Variants in MTSS1 observed in about 807,000 individuals in gnomAD.
The protein encoded by MTSS1 is protein MTSS 1.
MTSS1 carries 18 observed loss-of-function variants against 79.0 expected under a neutral mutation model. That is an observed-to-expected ratio of 0.23 (90% CI 0.16 to 0.34). The LOEUF (loss-of-function observed/expected upper bound fraction) is 0.34, where lower values mean the gene tolerates loss of function less well. Ranked by LOEUF, MTSS1 falls within the 10% of genes least tolerant of loss-of-function variation. MTSS1 has a pLI of 1.00. For synonymous variants in MTSS1, 341 were observed against 368.6 expected (o/e 0.93, Z 0.86); for missense variants, 815 against 986.2 (o/e 0.83, Z 2.33).
chr8:124,622,439 G>A (rs549674025), intron 3 of MTSS1, among the ~76,000 whole-genome samples: 12 of 149,706 alleles, frequency 8.0e-5, no homozygotes, highest in South Asian at 4.2e-4. Flanking sequence ...GAATTATACC[G>A]GGGATTTCTG....
intron 3 of MTSS1, among the ~76,000 whole-genome samples, chr8:124,602,171 T>C (rs1209005917): frequency 1.0e-5 from 1 of 98,632 alleles, no homozygotes; most frequent in Non-Finnish European, 1.8e-5. Context: ...AAATCACAAA[T>C]AAATCTCATA....
chr8:124,596,166 A>C (rs1175368321), intron 3 of MTSS1, among the ~76,000 whole-genome samples: 1 of 152,182 alleles, frequency 6.6e-6, no homozygotes, highest in African/African-American at 2.4e-5. Flanking sequence ...CTGGCACCCC[A>C]GTTTTGCAAG....
At chr8:124,721,924 G>A (rs1161829950) in intron 1 of MTSS1, among the ~76,000 whole-genome samples, 1 of 152,096 alleles carries the variant, frequency 6.6e-6, no homozygotes, top group East Asian at 1.9e-4. Context: ...CTAGAACCTC[G>A]CCTTCTGGTG....
intron 3 of MTSS1, among the ~76,000 whole-genome samples, chr8:124,635,651 G>T (rs1366518612): frequency 1.3e-5 from 2 of 152,130 alleles, no homozygotes; most frequent in East Asian, 3.8e-4. Flanking sequence ...TGAGGCTAAG[G>T]AGAGTAGCTT....
chr8:124,611,106 A>AACC (rs1835717338), intron 3 of MTSS1, among the ~76,000 whole-genome samples: 1 of 94,444 alleles, frequency 1.1e-5, no homozygotes, highest in African/African-American at 4.1e-5. Context: ...CACCAGACAG[A>AACC]CCCCCCCCCC....
Position 124,727,870 on chromosome 8 carries a change from C to G in MTSS1, c.72+14G>C, listed in dbSNP as rs774050700. On this transcript the variant is annotated intron_variant, in intron 1 of 13. Coordinates refer to ENST00000518547, the MANE Select transcript of MTSS1 (RefSeq NM_014751.6). The surrounding 1 kb of genome is among the most constrained non-coding windows in gnomAD (Gnocchi z 4.7). The stretch of plus-strand genomic sequence containing the variant: ...GCGGCGGCCGGCGCCGCAGCCGCAC[C>G]CCCGGCGTCCTACCTTCATGTCGCT... The G allele has an allele frequency of 3.9e-5, 62 of 1,580,980 alleles. No homozygotes were observed. Among genetic ancestry groups the G allele is most frequent in the Admixed American group, 1.8e-4 (10 of 54,886 alleles).
chr8:124,709,152 G>C (rs1830794356), intron 1 of MTSS1, among the ~76,000 whole-genome samples: 2 of 152,130 alleles, frequency 1.3e-5, no homozygotes, highest in South Asian at 4.1e-4. Context: ...CTGCCTTTTG[G>C]ACAGCAAGAC....
At chr8:124,580,583 G>A (rs1428345630) in intron 6 of MTSS1, 1 of 1,535,782 alleles carries the variant, frequency 6.5e-7, no homozygotes. Context: ...GGCACACGGT[G>A]AGAAAGTGCA....
intron 3 of MTSS1, among the ~76,000 whole-genome samples, chr8:124,624,043 T>C (rs1438194566): frequency 6.6e-6 from 1 of 152,222 alleles, no homozygotes; most frequent in Admixed American, 6.5e-5. Flanking sequence ...CTATCAACCA[T>C]TGCTTCGTGT....
At chr8:124,554,521 A>G (rs531137259) in intron 13 of MTSS1, among the ~76,000 whole-genome samples, 1 of 152,338 alleles carries the variant, frequency 6.6e-6, no homozygotes, top group East Asian at 1.9e-4. Flanking sequence ...GATGAATGGC[A>G]TAGCTTTTGG....
intron 5 of MTSS1, among the ~76,000 whole-genome samples, chr8:124,588,428 G>A (rs567728227): frequency 1.6e-4 from 25 of 152,314 alleles, no homozygotes; most frequent in South Asian, 6.2e-4. Context: ...AAGCTCTTAC[G>A]AAGGTCTGGT....
intron 11 of MTSS1, among the ~76,000 whole-genome samples, chr8:124,556,964 C>T (rs996660985): frequency 2.0e-5 from 3 of 152,232 alleles, no homozygotes; most frequent in Non-Finnish European, 4.4e-5. Context: ...CCCACACCGC[C>T]TGTGAGGGCT....
Position 124,589,728 on chromosome 8 carries a change from G to T in MTSS1, c.294-17C>A, listed in dbSNP as rs1424088414. ...ATTAAAGCGCTTTTACCAAGCGGGG[G>T]GGAAAAAGGGAGAAATTAAATAGAT... On this transcript the variant is annotated splice_polypyrimidine_tract_variant and intron_variant, in intron 4 of 13. Coordinates refer to ENST00000518547, the MANE Select transcript of MTSS1 (RefSeq NM_014751.6). 10 of 1,521,954 alleles carry T rather than the reference G, an allele frequency of 6.6e-6. No homozygotes were observed. The highest frequency in any genetic ancestry group is 8.2e-6 in the Non-Finnish European group (9 of 1,102,984). 94.3% of individuals were successfully genotyped at this position (1,521,954 alleles called of 1,614,324 possible). A position where few individuals can be genotyped will look rare whatever the true frequency, so the allele number is the denominator to read the frequency against.
intron 3 of MTSS1, among the ~76,000 whole-genome samples, chr8:124,625,899 T>C (rs1174304479): frequency 1.3e-5 from 2 of 152,126 alleles, no homozygotes; most frequent in Non-Finnish European, 1.5e-5. Context: ...CCATGCAAGG[T>C]CCCCACTGCC....
chr8:124,558,003 T>C (rs889913253), intron 10 of MTSS1, 128 bp from the exon 11 acceptor site: 26 of 720,142 alleles, frequency 3.6e-5, no homozygotes, highest in East Asian at 5.4e-5. Flanking sequence ...AAAACAAACA[T>C]TGGGGCTCTG....
intron 3 of MTSS1, among the ~76,000 whole-genome samples, chr8:124,695,397 G>C (rs191942146): frequency 2.2e-4 from 34 of 152,042 alleles, no homozygotes; most frequent in Non-Finnish European, 3.5e-4. Flanking sequence ...ATTCTTTCTG[G>C]AGAAGGTAGA....
At chr8:124,563,021 G>A (rs1825677618) in intron 9 of MTSS1, 29 bp from the exon 10 acceptor site, 1 of 1,567,064 alleles carries the variant, frequency 6.4e-7, no homozygotes, top group Non-Finnish European at 8.7e-7. Flanking sequence ...GGTGAGGGGT[G>A]GGCACGGAAG....
intron 4 of MTSS1, among the ~76,000 whole-genome samples, chr8:124,590,132 G>A (rs1275421652): frequency 2.0e-5 from 3 of 152,218 alleles, no homozygotes; most frequent in Non-Finnish European, 4.4e-5. Context: ...TGGGATTACA[G>A]GCGAGAGCCA....
intron 1 of MTSS1, among the ~76,000 whole-genome samples, chr8:124,716,514 C>T (rs1401755346): frequency 6.6e-6 from 1 of 152,174 alleles, no homozygotes; most frequent in African/African-American, 2.4e-5. Context: ...CTCCCACTTC[C>T]ACCTACTCCT....
Sources: allele counts gnomAD v4.1 joint callset (sites outside exome capture counted in the v4.1 genomes callset), GRCh38; gene constraint gnomAD v4.1.1; non-coding constraint Gnocchi (gnomAD v3.1); transcripts MANE v1.5; gene names NCBI Gene and HGNC (gene_info 2026-07-23, HGNC 2026-07-21).